The following SLC25A26 variants were observed in gnomAD, a reference collection of about 807,000 sequenced individuals.
SLC25A26 encodes the protein mitochondrial S-adenosylmethionine carrier protein.
In SLC25A26, 36 loss-of-function variants were observed where a neutral mutation model predicts 37.8. The observed-to-expected ratio is 0.95, with a 90% CI of 0.73 to 1.26. SLC25A26 has a LOEUF of 1.26. Ranked by LOEUF, SLC25A26 falls within the 50% of genes most tolerant of loss-of-function variation. The pLI, the probability that SLC25A26 is intolerant of heterozygous loss-of-function variation, is 0.00. For synonymous variants in SLC25A26, 129 were observed against 122.5 expected, an observed-to-expected ratio of 1.05 and a Z score of -0.35; for missense variants, 390 against 331.1, an observed-to-expected ratio of 1.18 and a Z score of -1.38.
chr3:66,371,262 C>G (rs932267309), intron 9 of SLC25A26: 2 of 1,548,060 alleles, frequency 1.3e-6, no homozygotes, highest in South Asian at 2.4e-5. Flanking sequence ...TGCAGAGGGT[C>G]GGTCGGCAGC....
At chr3:66,219,919 C>T (rs577470147), upstream of SLC25A26, among the ~76,000 whole-genome samples, 1 of 152,262 alleles carries the variant, frequency 6.6e-6, no homozygotes, top group East Asian at 1.9e-4. Context: ...AAACTTATCC[C>T]CAAACCCAGC....
intron 5 of SLC25A26, among the ~76,000 whole-genome samples, chr3:66,330,998 A>G (rs1024632185): frequency 6.6e-6 from 1 of 151,962 alleles, no homozygotes; most frequent in East Asian, 1.9e-4. Context: ...CCTTAGATTT[A>G]TTATTAATAT....
chr3:66,356,613 A>C (rs1307431279), intron 6 of SLC25A26, among the ~76,000 whole-genome samples: 1 of 152,046 alleles, frequency 6.6e-6, no homozygotes, highest in East Asian at 1.9e-4. Context: ...AGCTGGGTGA[A>C]GGATATGTGG....
chr3:66,194,486 G>A (rs969064932), intron 1 of SLC25A26, among the ~76,000 whole-genome samples: 4 of 152,198 alleles, frequency 2.6e-5, no homozygotes, highest in Admixed American at 6.5e-5. Flanking sequence ...AGAACGAATG[G>A]AATTTTATAA....
intron 5 of SLC25A26, among the ~76,000 whole-genome samples, chr3:66,266,576 CTTT>C (rs1004250488): frequency 1.0e-3 from 116 of 111,558 alleles, no homozygotes; most frequent in African/African-American, 4.1e-3. Context: ...TGTTGTCACA[CTTT>C]TTTTTTTTTT....
chr3:66,343,453 G>A (rs1477846931), intron 5 of SLC25A26, among the ~76,000 whole-genome samples: 1 of 152,186 alleles, frequency 6.6e-6, no homozygotes, highest in Non-Finnish European at 1.5e-5. Context: ...GGGGTTTACT[G>A]TCGCTCCCTT....
At chr3:66,341,897 C>G (rs901088826) in intron 5 of SLC25A26, among the ~76,000 whole-genome samples, 7 of 152,076 alleles carry the variant, frequency 4.6e-5, no homozygotes, top group African/African-American at 1.7e-4. Flanking sequence ...AGCAGACTAG[C>G]TTTGAATGGT....
At position 66,297,636 on chromosome 3, in the gene SLC25A26, C is replaced by T. The variant is rs946126628; in HGVS notation, c.453+34257C>T. Reference sequence around the variant, plus strand: ...AGTTGGTAAACTATGACCTGTGGGCCTAATCCAGATCACAGCCTGTTTTTG... The same window carrying T: ...AGTTGGTAAACTATGACCTGTGGGCTTAATCCAGATCACAGCCTGTTTTTG... On this transcript the variant is annotated intron_variant, in intron 5 of 9. Transcript: ENST00000354883. 3.9e-5 allele frequency among the ~76,000 whole-genome samples: 6 copies of T among 152,126 alleles called. No homozygotes were observed. The East Asian group carries it at 7.7e-4, about 20-fold the overall frequency.
chr3:66,365,611 G>C (rs1288208642), intron 7 of SLC25A26, among the ~76,000 whole-genome samples: 2 of 152,136 alleles, frequency 1.3e-5, no homozygotes, highest in African/African-American at 4.8e-5. Context: ...GAGAGAAGAG[G>C]GTGGGGGAGA....
At chr3:66,162,165 C>G (rs1023208760) in intron 1 of SLC25A26, among the ~76,000 whole-genome samples, 2 of 152,064 alleles carry the variant, frequency 1.3e-5, no homozygotes, top group Non-Finnish European at 2.9e-5. Context: ...GTGGTCTTCC[C>G]TCTGTGAATG....
At chr3:66,312,158 G>A (rs1415197624) in intron 5 of SLC25A26, among the ~76,000 whole-genome samples, 1 of 152,166 alleles carries the variant, frequency 6.6e-6, no homozygotes, top group East Asian at 1.9e-4. Context: ...CACCTGACTG[G>A]GGCTGCTGCC....
At position 66,209,363 on chromosome 3, in the gene SLC25A26, G is replaced by GTA. The variant is rs1197821347; in HGVS notation, c.-353-11370_-353-11369dup. On this transcript the variant is annotated intron_variant, in intron 1 of 10. Coordinates refer to the SLC25A26 transcript ENST00000676754. Reference sequence around the variant, plus strand: ...TATACATATGTATATATATCTGTATGTATATATATACATATGTACATGTAT... The same window carrying GTA: ...TATACATATGTATATATATCTGTATGTATATATATATACATATGTACATGTAT... Among the ~76,000 whole-genome samples the GTA allele has an allele frequency of 3.7e-5, 5 of 135,622 alleles. No individual in the cohort carries two copies. In the East Asian group the frequency reaches 6.6e-4, roughly 18 times the overall value. The allele number at this position is 135,622 out of a possible 152,430, so 89.0% of individuals were successfully genotyped here. A position where few individuals can be genotyped will look rare whatever the true frequency, so the allele number is the denominator to read the frequency against.
intron 5 of SLC25A26, among the ~76,000 whole-genome samples, chr3:66,279,022 C>T (rs1258397369): frequency 6.6e-6 from 1 of 152,074 alleles, no homozygotes; most frequent in East Asian, 1.9e-4. Flanking sequence ...GACTTACACC[C>T]TGAGAGATGG....
chr3:66,157,615 T>G (rs2070301428), intron 1 of SLC25A26, among the ~76,000 whole-genome samples: 1 of 152,240 alleles, frequency 6.6e-6, no homozygotes, highest in Non-Finnish European at 1.5e-5. Context: ...AAAATCCATT[T>G]ATTTTTTCTT....
At chr3:66,262,747 G>A (rs2073580325) in intron 4 of SLC25A26, among the ~76,000 whole-genome samples, 1 of 152,156 alleles carries the variant, frequency 6.6e-6, no homozygotes, top group Non-Finnish European at 1.5e-5. Flanking sequence ...TGTTACATAG[G>A]TGAGGAGACA....
chr3:66,150,512 T>A (rs1346974298), intron 1 of SLC25A26, among the ~76,000 whole-genome samples: 25 of 104,768 alleles, frequency 2.4e-4, no homozygotes, highest in Non-Finnish European at 4.4e-4. Flanking sequence ...CAAAAAAATA[T>A]ATATATATAA....
chr3:66,165,127 G>A (rs1342572226), intron 1 of SLC25A26, among the ~76,000 whole-genome samples: 2 of 152,118 alleles, frequency 1.3e-5, no homozygotes, highest in African/African-American at 2.4e-5. Flanking sequence ...CTGTCATATT[G>A]TGATGACACT....
intron 5 of SLC25A26, among the ~76,000 whole-genome samples, chr3:66,308,960 C>A (rs750026408): frequency 6.6e-6 from 1 of 152,092 alleles, no homozygotes; most frequent in Non-Finnish European, 1.5e-5. Context: ...AGGATTTTCG[C>A]GTCCATGTTT....
chr3:66,323,906 CAGG>C (rs1559699815), intron 5 of SLC25A26: 1 of 152,216 alleles, frequency 6.6e-6, no homozygotes, highest in East Asian at 1.9e-4. Flanking sequence ...GAGGCTGAGA[CAGG>C]AGGATCTGTT....
Sources: allele counts gnomAD v4.1 joint callset (sites outside exome capture counted in the v4.1 genomes callset), GRCh38; gene constraint gnomAD v4.1.1; transcripts MANE v1.5; gene names NCBI Gene and HGNC (gene_info 2026-07-23, HGNC 2026-07-21).